ANO2: variants seen among roughly 807,000 people sequenced by gnomAD.
ANO2 encodes the protein anoctamin 2, also known as anoctamin-2.
A neutral mutation model predicts 124.2 loss-of-function variants in ANO2; 101 were observed. The ratio of observed to expected loss-of-function variants is 0.81; its 90% CI spans 0.69 to 0.96. The LOEUF (loss-of-function observed/expected upper bound fraction) is 0.96. Ranked by LOEUF, ANO2 falls within the 40% of genes least tolerant of loss-of-function variation. The pLI, the probability that ANO2 is intolerant of heterozygous loss-of-function variation, is 0.00. For missense variants in ANO2, 1,293 were observed against 1,274.5 expected (o/e 1.01, Z -0.22); for synonymous variants, 486 against 482.5 (o/e 1.01, Z -0.09).
At chr12:5,842,904 C>G (rs1954563107) in intron 4 of ANO2, among the ~76,000 whole-genome samples, 1 of 152,140 alleles carries the variant, frequency 6.6e-6, no homozygotes. Context: ...CAGTGAGAAG[C>G]ATTACAGAAA....
At chr12:5,784,828 C>T (rs1162352661) in intron 10 of ANO2, among the ~76,000 whole-genome samples, 3 of 152,196 alleles carry the variant, frequency 2.0e-5, no homozygotes, top group Non-Finnish European at 2.9e-5. Context: ...GAGAAGCCTC[C>T]TGGAAAAACA....
rs115753426 is a variant in ANO2 at position 5,614,609 on chromosome 12, C to G, written c.1928+577G>C. On this transcript the variant is annotated intron_variant, in intron 17 of 24. Coordinates refer to ENST00000682330, the MANE Select transcript of ANO2 (RefSeq NM_001364791.2). Reference sequence around the variant, plus strand: ...TCCATTTGCTGATTTGGATTTACATCCCTCTACTACTATAAAACTTCAGTT... The same window carrying G: ...TCCATTTGCTGATTTGGATTTACATGCCTCTACTACTATAAAACTTCAGTT... 5.3e-3 allele frequency among the ~76,000 whole-genome samples: 813 copies of G among 152,312 alleles called. 11 individuals are homozygous for G. The highest frequency in any genetic ancestry group is 0.017 in the African/African-American group (696 of 41,556).
chr12:5,857,552 T>G (rs556414345), intron 3 of ANO2, among the ~76,000 whole-genome samples: 16 of 152,308 alleles, frequency 1.1e-4, no homozygotes, highest in African/African-American at 3.6e-4. Flanking sequence ...TGGTCTTTTT[T>G]ATAATAGCCA....
At chr12:5,667,816 T>C (rs1947803284) in intron 14 of ANO2, among the ~76,000 whole-genome samples, 1 of 152,238 alleles carries the variant, frequency 6.6e-6, no homozygotes, top group African/African-American at 2.4e-5. Flanking sequence ...GGGTTTTCCA[T>C]TCCTGGATTA....
intron 7 of ANO2, among the ~76,000 whole-genome samples, chr12:5,807,839 G>A (rs2137175216): frequency 6.6e-6 from 1 of 152,350 alleles, no homozygotes; most frequent in Non-Finnish European, 1.5e-5. Context: ...ATATCCCTGA[G>A]GTGGGCAGGA....
intron 3 of ANO2, among the ~76,000 whole-genome samples, chr12:5,912,005 T>C (rs1429471620): frequency 6.6e-6 from 1 of 152,230 alleles, no homozygotes; most frequent in Admixed American, 6.5e-5. Flanking sequence ...TGACATTCGT[T>C]GAGCCATAGC....
At chr12:5,705,261 T>C (rs1432224600) in intron 14 of ANO2, among the ~76,000 whole-genome samples, 1 of 151,980 alleles carries the variant, frequency 6.6e-6, no homozygotes, top group Non-Finnish European at 1.5e-5. Context: ...CAAACATTGC[T>C]CATCTGCTCA....
chr12:5,901,102 G>A (rs1012963367), intron 3 of ANO2, among the ~76,000 whole-genome samples: 5 of 152,214 alleles, frequency 3.3e-5, no homozygotes, highest in African/African-American at 1.2e-4. Flanking sequence ...CAAGGCTGCA[G>A]CGGTGGCTGC....
At chr12:5,653,450 T>G (rs1386114535) in intron 14 of ANO2, among the ~76,000 whole-genome samples, 1 of 152,232 alleles carries the variant, frequency 6.6e-6, no homozygotes, top group African/African-American at 2.4e-5. Flanking sequence ...GGCATATTGT[T>G]CAAATTATCT....
Position 5,750,982 on chromosome 12 carries a change from A to G in ANO2, c.1056-12T>C, listed in dbSNP as rs200675902. 230 of 1,583,746 alleles carry G rather than the reference A, an allele frequency of 1.5e-4. 1 individual carries two copies. The African/African-American group carries it at 2.9e-3, about 20-fold the overall frequency. On this transcript the variant is annotated splice_polypyrimidine_tract_variant and intron_variant, in intron 10 of 24. Coordinates refer to ENST00000682330, the MANE Select transcript of ANO2 (RefSeq NM_001364791.2). Reference sequence around the variant, plus strand: ...CTCCAAAATACTTTCTGGAAAAGAAAGAAAAGAAAATGAAACACATATTAA... The same window carrying G: ...CTCCAAAATACTTTCTGGAAAAGAAGGAAAAGAAAATGAAACACATATTAA...
At chr12:5,823,516 G>A (rs1953869719) in intron 7 of ANO2, among the ~76,000 whole-genome samples, 1 of 152,182 alleles carries the variant, frequency 6.6e-6, no homozygotes, top group African/African-American at 2.4e-5. Flanking sequence ...TCTGGGTCAC[G>A]CTGATGCAAG....
chr12:5,944,836 C>G (rs544355493), intron 1 of ANO2, among the ~76,000 whole-genome samples: 1 of 152,250 alleles, frequency 6.6e-6, no homozygotes, highest in African/African-American at 2.4e-5. Context: ...TACTTACCTT[C>G]AGATGCTGTA....
chr12:5,615,416 C>T (rs1345921730), intron 16 of ANO2, 119 bp from the exon 17 acceptor site: 2 of 717,090 alleles, frequency 2.8e-6, no homozygotes, highest in Non-Finnish European at 4.7e-6. Context: ...AATCACGAGA[C>T]CCATCTCTCT....
chr12:5,746,657 G>A (rs1247407590), intron 11 of ANO2, among the ~76,000 whole-genome samples: 1 of 152,200 alleles, frequency 6.6e-6, no homozygotes, highest in Non-Finnish European at 1.5e-5. Context: ...CGGCTTGACA[G>A]TCCATTGAAC....
chr12:5,818,893 A>G (rs1428615939), intron 7 of ANO2, among the ~76,000 whole-genome samples: 1 of 152,198 alleles, frequency 6.6e-6, no homozygotes, highest in Non-Finnish European at 1.5e-5. Context: ...GTGATGAAAG[A>G]AAATGATGAA....
intron 1 of ANO2, among the ~76,000 whole-genome samples, chr12:5,930,153 C>T (rs1942293625): frequency 6.6e-6 from 1 of 151,134 alleles, no homozygotes; most frequent in Non-Finnish European, 1.5e-5. Flanking sequence ...CTTCTTTCCT[C>T]ACTCGTCTGC....
chr12:5,931,094 T>C (rs1337611380), intron 1 of ANO2, among the ~76,000 whole-genome samples: 1 of 152,208 alleles, frequency 6.6e-6, no homozygotes, highest in Non-Finnish European at 1.5e-5. Context: ...TATTACCATT[T>C]TGAAACAATC....
chr12:5,640,807 A>G (rs750161653), intron 15 of ANO2, among the ~76,000 whole-genome samples: 1 of 152,246 alleles, frequency 6.6e-6, no homozygotes, highest in African/African-American at 2.4e-5. Flanking sequence ...ATTGTGGAAG[A>G]CAGTGTGGCG....
intron 14 of ANO2, among the ~76,000 whole-genome samples, chr12:5,656,349 G>T (rs532266112): frequency 2.8e-4 from 43 of 152,314 alleles, no homozygotes; most frequent in African/African-American, 9.4e-4. Context: ...GGATCATCTT[G>T]TTCCTTAAAC....
Sources: gnomAD v4.1 joint callset for allele counts (sites outside exome capture counted in the v4.1 genomes callset) on GRCh38, gnomAD v4.1.1 for gene constraint, MANE v1.5 for transcripts, NCBI Gene and HGNC (gene_info 2026-07-23, HGNC 2026-07-21) for gene names.